Variants in CHN2 observed in about 807,000 individuals in gnomAD.
CHN2 encodes the protein beta-chimaerin.
CHN2 carries 35 observed loss-of-function variants against 56.3 expected under a neutral mutation model. The ratio of observed to expected loss-of-function variants is 0.62; its 90% confidence interval spans 0.47 to 0.82. The LOEUF (loss-of-function observed/expected upper bound fraction) is 0.82. Among genes scored for constraint, CHN2 ranks in the 40% least tolerant of loss-of-function variants. The pLI is 0.00. For synonymous variants in CHN2, 210 were observed against 212.8 expected (o/e 0.99, Z 0.12); for missense variants, 491 against 580.5 (o/e 0.85, Z 1.58).
intron 1 of CHN2, among the ~76,000 whole-genome samples, chr7:29,345,240 A>G (rs1278825070): frequency 6.6e-6 from 1 of 152,244 alleles, no homozygotes; most frequent in Non-Finnish European, 1.5e-5. Context: ...GCTAAGGCTG[A>G]CCCACACATT....
intron 2 of CHN2, among the ~76,000 whole-genome samples, chr7:29,361,271 G>T (rs373044255): frequency 4.6e-5 from 7 of 152,132 alleles, no homozygotes; most frequent in African/African-American, 1.7e-4. Flanking sequence ...TTTTTTCATG[G>T]ATGCTATAGC....
intron 9 of CHN2, among the ~76,000 whole-genome samples, chr7:29,502,955 T>G (rs1047919333): frequency 1.3e-5 from 2 of 152,154 alleles, no homozygotes; most frequent in African/African-American, 4.8e-5. Context: ...TGTGTCCATG[T>G]GTTCTCACTG....
chr7:29,348,593 A>G (rs1797645017), intron 1 of CHN2, among the ~76,000 whole-genome samples: 1 of 152,204 alleles, frequency 6.6e-6, no homozygotes, highest in Non-Finnish European at 1.5e-5. Flanking sequence ...GGCCAAAGGA[A>G]TCGGACATGA....
chr7:29,389,686 T>G (rs1184481672), intron 3 of CHN2, among the ~76,000 whole-genome samples: 2 of 152,194 alleles, frequency 1.3e-5, no homozygotes. Flanking sequence ...GTGGCATGTA[T>G]TGTGCCTCCT....
At chr7:29,323,780 G>A (rs1291608540) in intron 1 of CHN2, among the ~76,000 whole-genome samples, 2 of 151,888 alleles carry the variant, frequency 1.3e-5, no homozygotes, top group African/African-American at 4.8e-5. Flanking sequence ...GGCGGATCAC[G>A]AGGTCAGGAG....
At position 29,417,771 on chromosome 7, in the gene CHN2, T is replaced by A. The variant is rs551128499; in HGVS notation, c.576+16943T>A. Among the ~76,000 whole-genome samples, 26 of 152,276 alleles carry A rather than the reference T, an allele frequency of 1.7e-4. 1 individual carries two copies. The East Asian group carries it at 4.1e-3, about 24-fold the overall frequency. ...TAGGAGTGGATACTAAGCTTGCAGT[T>A]TATATGCTCTGGAAGGCCCTCTTTA... On this transcript the variant is annotated intron_variant, in intron 6 of 12. Transcript: ENST00000222792.
intron 1 of CHN2, among the ~76,000 whole-genome samples, chr7:29,237,074 C>A (rs1282965853): frequency 6.6e-6 from 1 of 152,188 alleles, no homozygotes; most frequent in East Asian, 1.9e-4. Context: ...GATGACAGTA[C>A]CGAAACAGCT....
At chr7:29,472,313 T>TCACACGCACACACAC (rs1459480414) in intron 6 of CHN2, among the ~76,000 whole-genome samples, 6 of 77,850 alleles carry the variant, frequency 7.7e-5, no homozygotes, top group East Asian at 3.2e-4. Context: ...ACACACACAT[T>TCACACGCACACACAC]AGACACAGAA....
chr7:29,434,760 T>C (rs147625003), intron 6 of CHN2, among the ~76,000 whole-genome samples: 9 of 152,332 alleles, frequency 5.9e-5, no homozygotes, highest in African/African-American at 2.2e-4. Context: ...AAAGACATAG[T>C]TCTTTCCTTC....
intron 1 of CHN2, among the ~76,000 whole-genome samples, chr7:29,304,424 C>T (rs1273777941): frequency 1.3e-5 from 2 of 152,156 alleles, no homozygotes. Flanking sequence ...GAGATGATAC[C>T]TCATAACTAA....
chr7:29,432,505 A>G (rs1782923316), intron 6 of CHN2, among the ~76,000 whole-genome samples: 1 of 152,192 alleles, frequency 6.6e-6, no homozygotes, highest in African/African-American at 2.4e-5. Flanking sequence ...GAGCTTTTCA[A>G]GGTTGGCCAA....
intron 1 of CHN2, among the ~76,000 whole-genome samples, chr7:29,274,406 A>C (rs1029466749): frequency 6.6e-6 from 1 of 152,270 alleles, no homozygotes; most frequent in Non-Finnish European, 1.5e-5. Flanking sequence ...TCCTGTTTCC[A>C]GTACCCAAGG....
chr7:29,441,901 C>A (rs905628237), intron 6 of CHN2, among the ~76,000 whole-genome samples: 1 of 152,078 alleles, frequency 6.6e-6, no homozygotes, highest in Admixed American at 6.6e-5. Context: ...AAGTAGAATA[C>A]CATATAACTC....
At chr7:29,407,974 G>A (rs981995199) in intron 6 of CHN2, among the ~76,000 whole-genome samples, 4 of 152,008 alleles carry the variant, frequency 2.6e-5, no homozygotes, top group Non-Finnish European at 5.9e-5. Flanking sequence ...GATCACTTGA[G>A]GTCAGGAGTT....
At chr7:29,331,882 C>A (rs186066243) in intron 1 of CHN2, among the ~76,000 whole-genome samples, 4 of 151,882 alleles carry the variant, frequency 2.6e-5, no homozygotes, top group Non-Finnish European at 4.4e-5. Flanking sequence ...CAACATGGCA[C>A]GTGCCTGTAA....
intron 1 of CHN2, among the ~76,000 whole-genome samples, chr7:29,308,124 T>G (rs1383657516): frequency 2.0e-5 from 3 of 152,168 alleles, no homozygotes; most frequent in Admixed American, 6.5e-5. Context: ...AAATCCAAAC[T>G]CTAATTGTTG....
chr7:29,499,234 C>T (rs1339928374), intron 8 of CHN2, among the ~76,000 whole-genome samples: 1 of 152,138 alleles, frequency 6.6e-6, no homozygotes, highest in Non-Finnish European at 1.5e-5. Flanking sequence ...CTCAAGTACT[C>T]CTACTGGTGT....
chr7:29,505,387 G>A (rs1248843013), intron 10 of CHN2, among the ~76,000 whole-genome samples: 1 of 152,136 alleles, frequency 6.6e-6, no homozygotes, highest in Non-Finnish European at 1.5e-5. Flanking sequence ...AGCCAGTCAA[G>A]ACATGGAAGC....
At chr7:29,319,792 C>G (rs1250036979) in intron 1 of CHN2, among the ~76,000 whole-genome samples, 1 of 152,130 alleles carries the variant, frequency 6.6e-6, no homozygotes, top group Non-Finnish European at 1.5e-5. Flanking sequence ...GGCCGTGGCT[C>G]ATCTGGGCAT....
Sources: allele counts gnomAD v4.1 joint callset (sites outside exome capture counted in the v4.1 genomes callset), GRCh38; gene constraint gnomAD v4.1.1; transcripts MANE v1.5; gene names NCBI Gene and HGNC (gene_info 2026-07-23, HGNC 2026-07-21).